Variants in PTPRD observed in about 807,000 individuals in gnomAD.
PTPRD encodes the protein receptor-type tyrosine-protein phosphatase delta.
PTPRD carries 34 observed loss-of-function variants against 214.5 expected under a neutral mutation model. That is an observed-to-expected ratio of 0.16 (90% CI 0.12 to 0.21). The LOEUF is 0.21. PTPRD is among the 10% of genes least tolerant of loss of function. PTPRD has a pLI of 1.00. For synonymous variants in PTPRD, 1,128 were observed against 845.7 expected, an observed-to-expected ratio of 1.33 and a Z score of -5.79; for missense variants, 2,545 against 2,398.7, an observed-to-expected ratio of 1.06 and a Z score of -1.27.
At chr9:9,266,422 C>T (rs562473773) in intron 9 of PTPRD, among the ~76,000 whole-genome samples, 1 of 151,194 alleles carries the variant, frequency 6.6e-6, no homozygotes, top group African/African-American at 2.4e-5. Context: ...ATACAGAACA[C>T]TTCACCCAAC....
chr9:10,314,643 G>A (rs1412032449), intron 3 of PTPRD, among the ~76,000 whole-genome samples: 1 of 151,828 alleles, frequency 6.6e-6, no homozygotes, highest in Admixed American at 6.6e-5. Context: ...ATTATAAATA[G>A]GTTATAGATT....
intron 14 of PTPRD, among the ~76,000 whole-genome samples, chr9:8,571,356 ACT>A (rs1328043057): frequency 6.6e-6 from 1 of 152,156 alleles, no homozygotes; most frequent in African/African-American, 2.4e-5. Context: ...CATAACATGC[ACT>A]CTCAGACATC....
intron 5 of PTPRD, among the ~76,000 whole-genome samples, chr9:9,892,910 A>C (rs1007046967): frequency 1.3e-5 from 2 of 152,108 alleles, no homozygotes; most frequent in Admixed American, 1.3e-4. Flanking sequence ...TTTCAGTCTG[A>C]AAAAATAAAA....
chr9:9,916,083 A>AAAC (rs1037042449), intron 5 of PTPRD, among the ~76,000 whole-genome samples: 1 of 150,536 alleles, frequency 6.6e-6, no homozygotes, highest in African/African-American at 2.4e-5. Flanking sequence ...CTAAAATTAA[A>AAAC]AAAAAAAAAA....
chr9:9,108,702 C>A (rs2099802113), intron 10 of PTPRD, among the ~76,000 whole-genome samples: 1 of 152,090 alleles, frequency 6.6e-6, no homozygotes, highest in Admixed American at 6.6e-5. Flanking sequence ...GCACATTGAC[C>A]AGACCAAGTC....
chr9:10,189,708 A>T (rs2099353990), intron 3 of PTPRD, among the ~76,000 whole-genome samples: 1 of 152,214 alleles, frequency 6.6e-6, no homozygotes, highest in South Asian at 2.1e-4. Flanking sequence ...AAAATATTTT[A>T]AAAGGGCAAT....
intron 9 of PTPRD, among the ~76,000 whole-genome samples, chr9:9,394,754 G>T (rs1049103589): frequency 1.3e-5 from 2 of 152,032 alleles, no homozygotes; most frequent in African/African-American, 4.8e-5. Context: ...CATATTGAAA[G>T]AAAGTCAAGA....
intron 3 of PTPRD, among the ~76,000 whole-genome samples, chr9:10,268,508 T>C (rs563671307): frequency 6.6e-6 from 1 of 152,238 alleles, no homozygotes; most frequent in African/African-American, 2.4e-5. Flanking sequence ...CATTCAAGGC[T>C]AACAATCTGT....
intron 3 of PTPRD, among the ~76,000 whole-genome samples, chr9:10,279,737 C>T (rs997784107): frequency 6.6e-6 from 1 of 150,940 alleles, no homozygotes; most frequent in African/African-American, 2.4e-5. Flanking sequence ...TTCCTCTGAG[C>T]GACAGTTAAA....
At chr9:9,929,845 G>C (rs750361431) in intron 5 of PTPRD, among the ~76,000 whole-genome samples, 15 of 152,090 alleles carry the variant, frequency 9.9e-5, no homozygotes, top group Non-Finnish European at 2.1e-4. Context: ...GTTCTACAAA[G>C]AGAATATGAG....
intron 7 of PTPRD, among the ~76,000 whole-genome samples, chr9:9,611,650 C>T (rs1401191354): frequency 1.3e-5 from 2 of 152,036 alleles, no homozygotes; most frequent in Non-Finnish European, 2.9e-5. Context: ...CACACACACA[C>T]ACCCACGTGT....
At chr9:9,400,092 GTTTT>G (rs3048790) in intron 8 of PTPRD, among the ~76,000 whole-genome samples, 5 of 101,086 alleles carry the variant, frequency 4.9e-5, no homozygotes, top group African/African-American at 1.8e-4. Context: ...TTACCTACTA[GTTTT>G]TTTTTTTTTT....
intron 8 of PTPRD, among the ~76,000 whole-genome samples, chr9:9,445,525 G>A (rs1047071199): frequency 3.9e-5 from 6 of 152,092 alleles, no homozygotes; most frequent in African/African-American, 1.4e-4. Flanking sequence ...GCATGGCTGG[G>A]AAGACCTCAG....
chr9:9,823,182 G>A (rs2051396629), intron 5 of PTPRD, among the ~76,000 whole-genome samples: 1 of 152,060 alleles, frequency 6.6e-6, no homozygotes, highest in South Asian at 2.1e-4. Context: ...AAAGAAAAGA[G>A]GTAATCAGTT....
chr9:9,229,189 C>T (rs1402949904), intron 9 of PTPRD, among the ~76,000 whole-genome samples: 1 of 152,036 alleles, frequency 6.6e-6, no homozygotes, highest in African/African-American at 2.4e-5. Context: ...AAATTGATAA[C>T]ATTCAACTTA....
At chr9:10,362,403 C>A (rs1298990469) in intron 2 of PTPRD, among the ~76,000 whole-genome samples, 1 of 150,910 alleles carries the variant, frequency 6.6e-6, no homozygotes, top group Non-Finnish European at 1.5e-5. Flanking sequence ...GGCAGTCTGG[C>A]TCCAGTATAT....
chr9:9,964,301 G>A (rs1240562114), intron 4 of PTPRD, among the ~76,000 whole-genome samples: 4 of 152,202 alleles, frequency 2.6e-5, no homozygotes, highest in Admixed American at 1.3e-4. Context: ...AGGCTTGTTA[G>A]AAATACGTTC....
At chr9:9,852,546 G>C (rs753383663) in intron 5 of PTPRD, among the ~76,000 whole-genome samples, 5 of 151,946 alleles carry the variant, frequency 3.3e-5, no homozygotes, top group African/African-American at 9.7e-5. Flanking sequence ...GAGTTATATA[G>C]AAATATGCTC....
intron 2 of PTPRD, among the ~76,000 whole-genome samples, chr9:10,587,625 AT>A (rs1312861786): frequency 6.6e-6 from 1 of 152,048 alleles, no homozygotes; most frequent in African/African-American, 2.4e-5. Context: ...ATTATCTGAG[AT>A]TTGGAGAAGC....
Sources: allele counts gnomAD v4.1 joint callset (sites outside exome capture counted in the v4.1 genomes callset), GRCh38; gene constraint gnomAD v4.1.1; transcripts MANE v1.5; gene names NCBI Gene and HGNC (gene_info 2026-07-23, HGNC 2026-07-21).